Variants in PRKN observed in about 807,000 individuals in gnomAD.
The protein encoded by PRKN is parkin RBR E3 ubiquitin protein ligase, also known as E3 ubiquitin-protein ligase parkin.
A neutral mutation model predicts 59.5 loss-of-function variants in PRKN; 56 were observed. That is an observed-to-expected ratio of 0.94 (90% CI 0.76 to 1.18). The LOEUF is 1.18. PRKN is among the 50% of genes most tolerant of loss of function. PRKN has a pLI of 0.00. For synonymous variants in PRKN, 250 were observed against 222.1 expected, an observed-to-expected ratio of 1.13 and a Z score of -1.12; for missense variants, 657 against 596.4, an observed-to-expected ratio of 1.10 and a Z score of -1.06.
Position 161,352,702 on chromosome 6 carries a change from A to G in PRKN, c.1286-2491T>C, listed in dbSNP as rs1784594133. On this transcript the variant is annotated intron_variant, in intron 11 of 11. Transcript: ENST00000366898. This position sits in a 1 kb window ranked among gnomAD's most constrained non-coding sequence, Gnocchi z 5.8. Reference sequence around the variant, plus strand: ...TGTGATATTTAATATATATAAGCATATATAAACACAAATATGTATGAAGAG... The same window carrying G: ...TGTGATATTTAATATATATAAGCATGTATAAACACAAATATGTATGAAGAG... 6.7e-6 allele frequency among the ~76,000 whole-genome samples: 1 copy of G among 149,196 alleles called. No individual in the cohort carries two copies. Among genetic ancestry groups the G allele is most frequent in the African/African-American group, 2.4e-5 (1 of 40,824 alleles).
chr6:162,563,675 G>T (rs1380468586), intron 1 of PRKN, among the ~76,000 whole-genome samples: 1 of 152,056 alleles, frequency 6.6e-6, no homozygotes, highest in African/African-American at 2.4e-5. Context: ...ACTAAATAAG[G>T]CACCAGGGAC....
chr6:162,102,386 G>C (rs1020356958), intron 4 of PRKN, among the ~76,000 whole-genome samples: 1 of 152,026 alleles, frequency 6.6e-6, no homozygotes, highest in Non-Finnish European at 1.5e-5. Context: ...TTTGCATATA[G>C]GAAAACAATA....
At chr6:162,121,806 T>G (rs141652811) in intron 4 of PRKN, among the ~76,000 whole-genome samples, 1 of 152,214 alleles carries the variant, frequency 6.6e-6, no homozygotes, top group East Asian at 1.9e-4. Context: ...GGAGAGAGAA[T>G]TTTGACCAAA....
At chr6:161,970,485 C>T (rs1780761138) in intron 6 of PRKN, among the ~76,000 whole-genome samples, 2 of 150,790 alleles carry the variant, frequency 1.3e-5, no homozygotes, top group Admixed American at 1.3e-4. Context: ...CAAGATATTG[C>T]AAAAAAATTA....
chr6:162,021,453 ATATATATATTT>A (rs1562465927), intron 5 of PRKN, among the ~76,000 whole-genome samples: 1 of 10,368 alleles, frequency 9.6e-5, no homozygotes, highest in Non-Finnish European at 2.3e-4. Context: ...ATATATATAT[ATATATATATTT>A]TTTTTTTTTT....
chr6:161,418,834 A>G (rs2115022771), intron 9 of PRKN, among the ~76,000 whole-genome samples: 1 of 152,330 alleles, frequency 6.6e-6, no homozygotes, highest in East Asian at 1.9e-4. Flanking sequence ...TTTGTACCTC[A>G]GATCTAACTG....
chr6:162,423,037 C>A (rs980987396), intron 2 of PRKN, among the ~76,000 whole-genome samples: 4 of 150,942 alleles, frequency 2.7e-5, no homozygotes, highest in African/African-American at 9.8e-5. Flanking sequence ...GATTCTTTGC[C>A]TTTCATTGCT....
rs1180636201 is a variant in PRKN at position 162,390,396 on chromosome 6, T to TATATATAC, written c.171+52913_171+52914insGTATATAT. ...TAAGGTATATATATATATATATATA[T>TATATATAC]ACACACACACACACACACACACACA... On this transcript the variant is annotated intron_variant, in intron 2 of 11. Coordinates refer to ENST00000366898, the MANE Select transcript of PRKN (RefSeq NM_004562.3). Among the ~76,000 whole-genome samples the TATATATAC allele has an allele frequency of 1.5e-3, 129 of 84,104 alleles. 2 individuals carry two copies. Among genetic ancestry groups the TATATATAC allele is most frequent in the South Asian group, 2.5e-3 (7 of 2,834 alleles). The allele number at this position is 84,104 out of a possible 152,430, so 55.2% of individuals were successfully genotyped here.
intron 7 of PRKN, among the ~76,000 whole-genome samples, chr6:161,773,821 C>T (rs753246103): frequency 6.6e-6 from 1 of 151,826 alleles, no homozygotes; most frequent in Admixed American, 6.6e-5. Context: ...TAATAAGATG[C>T]AGAAAAAGAA....
intron 4 of PRKN, among the ~76,000 whole-genome samples, chr6:162,181,004 T>A (rs549550664): frequency 3.9e-5 from 6 of 152,324 alleles, no homozygotes; most frequent in African/African-American, 1.4e-4. Context: ...GAAAATGGGT[T>A]TACACAATGC....
At chr6:162,177,028 A>C (rs1327159058) in intron 4 of PRKN, among the ~76,000 whole-genome samples, 1 of 151,696 alleles carries the variant, frequency 6.6e-6, no homozygotes, top group Non-Finnish European at 1.5e-5. Flanking sequence ...AAGGACATAT[A>C]TTTTACTCAC....
At chr6:161,839,243 A>C (rs2128220279) in intron 6 of PRKN, among the ~76,000 whole-genome samples, 1 of 152,238 alleles carries the variant, frequency 6.6e-6, no homozygotes, top group East Asian at 1.9e-4. Context: ...TGAGGGAAGA[A>C]GGTAAGCCGG....
chr6:162,029,278 T>C (rs956729132), intron 5 of PRKN, among the ~76,000 whole-genome samples: 3 of 152,204 alleles, frequency 2.0e-5, no homozygotes, highest in East Asian at 1.9e-4. Flanking sequence ...AATTCTGTCT[T>C]ACAGATACTT....
chr6:161,372,710 T>TGGCA lies in PRKN; in HGVS notation c.1168-12509_1168-12506dup, dbSNP rs1361187368. On this transcript the variant is annotated intron_variant, in intron 10 of 11. Coordinates refer to ENST00000366898, the MANE Select transcript of PRKN (RefSeq NM_004562.3). This position sits in a 1 kb window ranked among gnomAD's most constrained non-coding sequence, Gnocchi z 4.2. ...TAGGTCTGGGATTGCGCTCAAGGAC[T>TGGCA]GGCAGTTCAACAAATTCCTAGGTGA... Among the ~76,000 whole-genome samples the TGGCA allele has an allele frequency of 6.6e-6, 1 of 152,130 alleles. No homozygotes were observed. The highest frequency in any genetic ancestry group is 1.5e-5 in the Non-Finnish European group (1 of 68,030).
chr6:162,413,580 C>T (rs1193127308), intron 2 of PRKN, among the ~76,000 whole-genome samples: 1 of 152,200 alleles, frequency 6.6e-6, no homozygotes, highest in Admixed American at 6.5e-5. Context: ...TGGATCTCTA[C>T]TCATTTCCTT....
chr6:161,986,793 C>T (rs887483436), intron 5 of PRKN, among the ~76,000 whole-genome samples: 1 of 35,628 alleles, frequency 2.8e-5, no homozygotes, highest in Non-Finnish European at 6.0e-5. Flanking sequence ...AACAGCCAGA[C>T]CTGAGAAATG....
intron 7 of PRKN, among the ~76,000 whole-genome samples, chr6:161,722,208 G>A (rs1303069873): frequency 6.6e-6 from 1 of 151,486 alleles, no homozygotes; most frequent in African/African-American, 2.4e-5. Flanking sequence ...AAATTCGGGG[G>A]GAAAAGCAGG....
intron 9 of PRKN, among the ~76,000 whole-genome samples, chr6:161,540,160 T>A (rs973135629): frequency 2.0e-5 from 3 of 152,196 alleles, no homozygotes; most frequent in African/African-American, 7.2e-5. Flanking sequence ...AAGCACTTCT[T>A]CTGACATGGA....
intron 6 of PRKN, among the ~76,000 whole-genome samples, chr6:161,926,778 T>A (rs1778984286): frequency 6.6e-6 from 1 of 152,182 alleles, no homozygotes; most frequent in Non-Finnish European, 1.5e-5. Context: ...AAACTGAATC[T>A]AAGTCCAACA....
Sources: gnomAD v4.1 joint callset for allele counts (sites outside exome capture counted in the v4.1 genomes callset) on GRCh38, gnomAD v4.1.1 for gene constraint, Gnocchi (gnomAD v3.1) non-coding constraint, MANE v1.5 for transcripts, NCBI Gene and HGNC (gene_info 2026-07-23, HGNC 2026-07-21) for gene names.